The following MS4A6A variants were observed in gnomAD, a reference collection of about 807,000 sequenced individuals.
MS4A6A encodes the protein membrane spanning 4-domains A6A.
A neutral mutation model predicts 20.6 loss-of-function variants in MS4A6A; 19 were observed. The observed-to-expected ratio is 0.92, with a 90% CI of 0.64 to 1.36. MS4A6A has a LOEUF of 1.36. Ranked by LOEUF, MS4A6A falls within the 40% of genes most tolerant of loss-of-function variation. MS4A6A has a pLI of 0.00. For missense variants in MS4A6A, 272 were observed against 261.1 expected (o/e 1.04, Z -0.29); for synonymous variants, 108 against 105.0 (o/e 1.03, Z -0.17).
At chr11:60,177,828 T>C (rs1191266592) in intron 4 of MS4A6A, among the ~76,000 whole-genome samples, 2 of 152,032 alleles carry the variant, frequency 1.3e-5, no homozygotes, top group Admixed American at 6.6e-5. Flanking sequence ...TTTGGATACC[T>C]CACATGAACA....
chr11:60,177,437 C>G (rs929134467), intron 4 of MS4A6A: 1 of 151,946 alleles, frequency 6.6e-6, no homozygotes, highest in African/African-American at 2.4e-5. Flanking sequence ...ATGGATTGAG[C>G]GAAGACTTAA....
At position 60,181,812 on chromosome 11, in the gene MS4A6A, A is replaced by G. The variant is rs1857151497; in HGVS notation, c.-14-71T>C. 9 of 1,479,096 alleles carry G rather than the reference A, an allele frequency of 6.1e-6. No individual in the cohort carries two copies. The Admixed American group carries it at 1.6e-4, about 26-fold the overall frequency. The allele number at this position is 1,479,096 out of a possible 1,614,324, so 91.6% of individuals were successfully genotyped here. ...CCAGGTTCTGACTCCAAAAACAGTAACTCAGTCTTTGCCAATTAGTCTAGG... is the reference window on the plus strand; with the variant it reads ...CCAGGTTCTGACTCCAAAAACAGTAGCTCAGTCTTTGCCAATTAGTCTAGG... On this transcript the variant is annotated intron_variant, in intron 1 of 5. Transcript: ENST00000528851.
intron 5 of MS4A6A, among the ~76,000 whole-genome samples, chr11:60,174,475 G>A (rs988332567): frequency 3.3e-5 from 5 of 151,868 alleles, no homozygotes; most frequent in Admixed American, 6.6e-5. Flanking sequence ...ACGGCTGCCC[G>A]CCACCACACC....
intron 4 of MS4A6A, chr11:60,177,269 G>A (rs1423790321): frequency 6.6e-6 from 1 of 152,006 alleles, no homozygotes; most frequent in Non-Finnish European, 1.5e-5. Flanking sequence ...TCTAAATACC[G>A]ATGAGAAAAA....
At chr11:60,180,002 A>C in intron 2 of MS4A6A, 37 bp from the exon 3 acceptor site, 1 of 1,603,436 alleles carries the variant, frequency 6.2e-7, no homozygotes, top group Non-Finnish European at 8.5e-7. Context: ...GATGAAAACC[A>C]GCATTTGTAA....
At chr11:60,172,133 C>A (rs374222926), downstream of MS4A6A, 411 of 1,598,374 alleles carry the variant, frequency 2.6e-4, no homozygotes, top group Non-Finnish European at 3.4e-4. Context: ...AATCAACTTT[C>A]TGATTAATAT....
intron 2 of MS4A6A, chr11:60,181,016 C>T (rs1857109212): frequency 2.2e-6 from 1 of 453,698 alleles, no homozygotes; most frequent in Non-Finnish European, 4.4e-6. Flanking sequence ...GAAACCAAAA[C>T]TCTGTGTTTC....
chr11:60,181,077 C>T (rs1565104379), intron 2 of MS4A6A: 1 of 453,008 alleles, frequency 2.2e-6, no homozygotes, highest in South Asian at 1.6e-5. Context: ...TCATGCAATA[C>T]AGCTTCTTTA....
intron 3 of MS4A6A, among the ~76,000 whole-genome samples, chr11:60,179,217 A>G (rs987583488): frequency 2.0e-5 from 3 of 152,230 alleles, no homozygotes; most frequent in African/African-American, 4.8e-5. Context: ...AAACTTACCT[A>G]TGAGAAAGCC....
At chr11:60,178,010 C>T (rs184501168) in intron 4 of MS4A6A, 22 of 458,248 alleles carry the variant, frequency 4.8e-5, no homozygotes, top group African/African-American at 3.8e-4. Context: ...CTCTGTGATA[C>T]ATTCTTCGGC....
At chr11:60,180,052 T>G in intron 2 of MS4A6A, 87 bp from the exon 3 acceptor site, 9 of 1,316,434 alleles carry the variant, frequency 6.8e-6, no homozygotes, top group Non-Finnish European at 8.5e-6. Flanking sequence ...ACTAATGCAT[T>G]ATCGCCTTCT....
chr11:60,173,834 C>T (rs1371597511), intron 5 of MS4A6A, among the ~76,000 whole-genome samples: 1 of 152,062 alleles, frequency 6.6e-6, no homozygotes, highest in African/African-American at 2.4e-5. Flanking sequence ...AGAATGAATT[C>T]TATCATTTCT....
chr11:60,178,189 C>G, intron 4 of MS4A6A, 71 bp downstream of exon 4: 1 of 1,379,224 alleles, frequency 7.3e-7, no homozygotes, highest in Non-Finnish European at 1.0e-6. Context: ...AGTAGAAAGA[C>G]TAGCCTTAAA....
chr11:60,178,194 C>T, intron 4 of MS4A6A, 66 bp downstream of exon 4: 1 of 1,419,326 alleles, frequency 7.0e-7, no homozygotes, highest in Non-Finnish European at 9.9e-7. Flanking sequence ...AAAGACTAGC[C>T]TTAAAGAGTT....
At chr11:60,172,462 T>C (rs902432326), downstream of MS4A6A, 28 of 1,267,786 alleles carry the variant, frequency 2.2e-5, no homozygotes, top group Non-Finnish European at 2.7e-5. Flanking sequence ...CAAGGCTTTT[T>C]AATTCAGTTA....
At chr11:60,171,611 C>T (rs1412091344), downstream of MS4A6A, among the ~76,000 whole-genome samples, 1 of 152,198 alleles carries the variant, frequency 6.6e-6, no homozygotes, top group Non-Finnish European at 1.5e-5. Flanking sequence ...AAAATATGCA[C>T]TCAAAAATTT....
At chr11:60,176,195 T>C (rs1361283922) in intron 4 of MS4A6A, among the ~76,000 whole-genome samples, 3 of 152,142 alleles carry the variant, frequency 2.0e-5, no homozygotes, top group Non-Finnish European at 2.9e-5. Context: ...AGGCAGGCCC[T>C]GGAACATGGG....
Position 60,175,395 on chromosome 11 carries a change from T to C in MS4A6A, c.549+7A>G, listed in dbSNP as rs376057651. ...AAGATTAGAACATCCCATCTAAAAA[T>C]ACTTACAGCCAGACTGGCTTTGGCT... On this transcript the variant is annotated splice_region_variant and intron_variant, in intron 5 of 5. Coordinates refer to ENST00000528851, the MANE Select transcript of MS4A6A (RefSeq NM_022349.4). 6.2e-7 allele frequency: 1 copy of C among 1,605,588 alleles called. No homozygotes were observed. The highest frequency in any genetic ancestry group is 8.5e-7 in the Non-Finnish European group (1 of 1,172,556).
rs150505309 is a variant in MS4A6A at position 60,179,349 on chromosome 11, T to TA, written c.282+481dup. 928 of 275,508 alleles carry TA rather than the reference T, an allele frequency of 3.4e-3. 6 individuals carry two copies. Among genetic ancestry groups the TA allele is most frequent in the African/African-American group, 0.02 (869 of 44,422 alleles). The allele number at this position is 275,508 out of a possible 1,614,324, so 17.1% of individuals were successfully genotyped here. On this transcript the variant is annotated intron_variant, in intron 3 of 5. Transcript: ENST00000528851. ...CTGGGCATAGATATCTGCTCAGCCTTACCTGGGAATCAGTCAATGCAGTAA... is the reference window on the plus strand; with the variant it reads ...CTGGGCATAGATATCTGCTCAGCCTTAACCTGGGAATCAGTCAATGCAGTAA...
Sources: gnomAD v4.1 joint callset for allele counts (sites outside exome capture counted in the v4.1 genomes callset) on GRCh38, gnomAD v4.1.1 for gene constraint, MANE v1.5 for transcripts, NCBI Gene and HGNC (gene_info 2026-07-23, HGNC 2026-07-21) for gene names.